CCDC91: variants seen among roughly 807,000 people sequenced by gnomAD.
The protein encoded by CCDC91 is coiled-coil domain-containing protein 91.
Under a neutral mutation model 63.2 loss-of-function variants are expected in CCDC91, and 48 were observed. The ratio of observed to expected loss-of-function variants is 0.76; its 90% confidence interval spans 0.60 to 0.97. CCDC91 has a LOEUF of 0.97. Among genes scored for constraint, CCDC91 ranks in the 50% least tolerant of loss-of-function variants. The probability of loss-of-function intolerance (pLI) is 0.00; values close to 1 mark genes in which losing one functional copy is unlikely to be tolerated. For missense variants in CCDC91, 500 were observed against 494.6 expected (o/e 1.01, Z -0.10); for synonymous variants, 167 against 165.8 (o/e 1.01, Z -0.06).
intron 3 of CCDC91, among the ~76,000 whole-genome samples, chr12:28,262,972 G>C (rs1946923310): frequency 6.6e-6 from 1 of 151,910 alleles, no homozygotes; most frequent in Non-Finnish European, 1.5e-5. Flanking sequence ...TGCCTTCCAT[G>C]CTATTCTGCT....
chr12:28,201,633 G>A (rs879244387), intron 1 of CCDC91, among the ~76,000 whole-genome samples: 14 of 146,858 alleles, frequency 9.5e-5, no homozygotes, highest in Non-Finnish European at 1.4e-4. Flanking sequence ...GGTGGCGGCC[G>A]GGCAGAGGCT....
At chr12:28,545,396 CAA>C (rs1183811547) in intron 12 of CCDC91, among the ~76,000 whole-genome samples, 2 of 152,014 alleles carry the variant, frequency 1.3e-5, no homozygotes, top group African/African-American at 2.4e-5. Context: ...GTATTTGTTT[CAA>C]AGAGAGGAAT....
At chr12:28,546,486 T>G (rs1233841320) in intron 12 of CCDC91, among the ~76,000 whole-genome samples, 1 of 152,036 alleles carries the variant, frequency 6.6e-6, no homozygotes, top group Non-Finnish European at 1.5e-5. Context: ...TAAAGACAGG[T>G]TCCTGCATAT....
intron 6 of CCDC91, among the ~76,000 whole-genome samples, chr12:28,342,830 C>T (rs1225274907): frequency 6.6e-6 from 1 of 152,074 alleles, no homozygotes; most frequent in Non-Finnish European, 1.5e-5. Context: ...TTTCTGTTAG[C>T]TTCCATTTTA....
intron 8 of CCDC91, among the ~76,000 whole-genome samples, chr12:28,418,197 G>A (rs1396208542): frequency 6.6e-6 from 1 of 152,060 alleles, no homozygotes; most frequent in African/African-American, 2.4e-5. Context: ...GTGTGTTCAG[G>A]TTCCTTTGGA....
chr12:28,476,034 A>G lies in CCDC91; in HGVS notation c.1102-8018A>G, dbSNP rs76613520. ...ATTTTGGTTAAAAAAACTGCATCCAATACAAGGAGTATAGTTCATTACCCC... is the reference window on the plus strand; with the variant it reads ...ATTTTGGTTAAAAAAACTGCATCCAGTACAAGGAGTATAGTTCATTACCCC... On this transcript the variant is annotated intron_variant, in intron 11 of 12. Coordinates refer to ENST00000536442, the MANE Select transcript of CCDC91 (RefSeq NM_018318.5). Among the ~76,000 whole-genome samples the G allele has an allele frequency of 7.9e-3, 1,206 of 152,060 alleles. 20 individuals carry two copies. The highest frequency in any genetic ancestry group is 0.028 in the African/African-American group (1,164 of 41,522).
chr12:28,197,205 C>T lies in CCDC91; in HGVS notation c.-15+6564C>T, dbSNP rs142892661. Among the ~76,000 whole-genome samples the T allele has an allele frequency of 9.5e-3, 1,451 of 151,996 alleles. 10 individuals carry two copies. The highest frequency in any genetic ancestry group is 0.014 in the Non-Finnish European group (921 of 67,936). ...ATTGTAAGAAATTTGGGGTCAGTATCATTGGCTTTTTGGGCATCACCTTAA... is the reference window on the plus strand; with the variant it reads ...ATTGTAAGAAATTTGGGGTCAGTATTATTGGCTTTTTGGGCATCACCTTAA... On this transcript the variant is annotated intron_variant, in intron 1 of 12. Transcript: ENST00000536442.
intron 3 of CCDC91, among the ~76,000 whole-genome samples, chr12:28,261,314 C>CACA (rs1946809567): frequency 6.6e-6 from 1 of 151,830 alleles, no homozygotes; most frequent in African/African-American, 2.4e-5. Flanking sequence ...GATAATGACA[C>CACA]TTAAAGTTGT....
intron 6 of CCDC91, among the ~76,000 whole-genome samples, chr12:28,338,868 T>C (rs1474223839): frequency 6.6e-6 from 1 of 152,114 alleles, no homozygotes; most frequent in Non-Finnish European, 1.5e-5. Context: ...TGAGACGGAC[T>C]CTCGCTCTGT....
chr12:28,367,566 A>G (rs752102902), intron 7 of CCDC91, among the ~76,000 whole-genome samples: 10 of 152,212 alleles, frequency 6.6e-5, no homozygotes, highest in Non-Finnish European at 1.2e-4. Context: ...GCAAAACTTA[A>G]AAACATTCAA....
chr12:28,470,456 G>A (rs1950759578), intron 11 of CCDC91, among the ~76,000 whole-genome samples: 1 of 152,150 alleles, frequency 6.6e-6, no homozygotes, highest in South Asian at 2.1e-4. Context: ...CAAGGATGTG[G>A]AGAAAGGGGA....
chr12:28,281,719 G>A (rs2136590026), intron 3 of CCDC91, among the ~76,000 whole-genome samples: 1 of 152,246 alleles, frequency 6.6e-6, no homozygotes, highest in African/African-American at 2.4e-5. Flanking sequence ...AGTGTTGTTA[G>A]AGTAGTGTAT....
chr12:28,518,880 A>G (rs192003069), intron 12 of CCDC91, among the ~76,000 whole-genome samples: 3 of 152,056 alleles, frequency 2.0e-5, no homozygotes, highest in African/African-American at 4.8e-5. Context: ...TAGCTTGCCA[A>G]TTATCCCAGC....
chr12:28,509,378 G>A (rs1487082014), intron 12 of CCDC91, among the ~76,000 whole-genome samples: 1 of 151,846 alleles, frequency 6.6e-6, no homozygotes, highest in Non-Finnish European at 1.5e-5. Context: ...AAATGAGGAG[G>A]TGCAAGGTAG....
intron 6 of CCDC91, among the ~76,000 whole-genome samples, chr12:28,329,982 A>G (rs1941359416): frequency 6.6e-6 from 1 of 152,132 alleles, no homozygotes; most frequent in Non-Finnish European, 1.5e-5. Flanking sequence ...TCCATGGTGT[A>G]TATGTGCCAC....
At chr12:28,212,099 C>T (rs1310734167) in intron 1 of CCDC91, among the ~76,000 whole-genome samples, 2 of 152,164 alleles carry the variant, frequency 1.3e-5, no homozygotes, top group Non-Finnish European at 2.9e-5. Context: ...AATCCCCAGC[C>T]ACTGTGAGAT....
At chr12:28,302,610 G>A (rs1013477632) in intron 3 of CCDC91, 5 of 981,800 alleles carry the variant, frequency 5.1e-6, no homozygotes, top group Non-Finnish European at 6.0e-6. Context: ...TACCTCTGAC[G>A]GGGCAGAGTC....
chr12:28,487,328 TA>T (rs1195643066), intron 12 of CCDC91, among the ~76,000 whole-genome samples: 1 of 151,790 alleles, frequency 6.6e-6, no homozygotes, highest in Non-Finnish European at 1.5e-5. Context: ...TACTAATTAC[TA>T]GACCTCTTTA....
intron 1 of CCDC91, among the ~76,000 whole-genome samples, chr12:28,251,072 A>G (rs999254338): frequency 2.0e-5 from 3 of 151,940 alleles, no homozygotes; most frequent in Non-Finnish European, 4.4e-5. Flanking sequence ...GCTTCTAGGA[A>G]ACATGGCATT....
Sources: gnomAD v4.1 joint callset for allele counts (sites outside exome capture counted in the v4.1 genomes callset) on GRCh38, gnomAD v4.1.1 for gene constraint, MANE v1.5 for transcripts, NCBI Gene and HGNC (gene_info 2026-07-23, HGNC 2026-07-21) for gene names.